The following NCOA7 variants were observed in gnomAD, a reference collection of about 807,000 sequenced individuals.
NCOA7 encodes the protein nuclear receptor coactivator 7, also known as 140 kDa estrogen receptor-associated protein.
A neutral mutation model predicts 104.3 loss-of-function variants in NCOA7; 45 were observed. The observed-to-expected ratio is 0.43, with a 90% CI of 0.34 to 0.55. NCOA7 has a LOEUF of 0.55. Among genes scored for constraint, NCOA7 ranks in the 20% least tolerant of loss-of-function variants. The pLI is 0.02. For missense variants in NCOA7, 1,041 were observed against 1,119.7 expected (o/e 0.93, Z 1.00); for synonymous variants, 398 against 402.3 (o/e 0.99, Z 0.13).
intron 10 of NCOA7, among the ~76,000 whole-genome samples, chr6:125,895,858 C>T (rs890017295): frequency 6.6e-6 from 1 of 151,956 alleles, no homozygotes; most frequent in Admixed American, 6.6e-5. Context: ...CCAAACACCT[C>T]CCACCAACCC....
intron 1 of NCOA7, among the ~76,000 whole-genome samples, chr6:125,806,982 CA>C (rs1776518781): frequency 6.6e-6 from 1 of 152,154 alleles, no homozygotes; most frequent in African/African-American, 2.4e-5. Context: ...TGCGTTTCTA[CA>C]GTAGTCATAT....
In NCOA7 at chr6:125,889,914, T is replaced by C. The variant is rs756116090; in HGVS notation, c.1860T>C (p.Gly620=). 6.3e-7 allele frequency: 1 copy of C among 1,592,438 alleles called. No homozygotes were observed. The highest frequency in any genetic ancestry group is 1.4e-5 in the African/African-American group (1 of 73,668). ...LESTLDNSCQ[G]AQMDNKSEVQ... The stretch of plus-strand genomic sequence containing the variant: ...CTACTCTGGACAACAGCTGTCAAGG[T>C]GCACAAATGGATAATAAATCTGAAG... The change falls in exon 9 of 16, where the codon GGT becomes GGC. Residue 620 remains glycine (G), a synonymous_variant. Transcript: ENST00000392477.
intron 14 of NCOA7, 152 bp downstream of exon 14, chr6:125,927,910 C>T: frequency 1.4e-6 from 1 of 726,114 alleles, no homozygotes; most frequent in Non-Finnish European, 2.3e-6. Context: ...TCGCAAACTG[C>T]TTAGCGTCCC....
chr6:125,786,944 TG>T (rs1447880009), upstream of NCOA7, among the ~76,000 whole-genome samples: 1 of 151,956 alleles, frequency 6.6e-6, no homozygotes, highest in Admixed American at 6.6e-5. Flanking sequence ...CCTAGGAGTT[TG>T]GGACCAGCCT....
intron 2 of NCOA7, among the ~76,000 whole-genome samples, chr6:125,837,088 C>A (rs1779675846): frequency 6.6e-6 from 1 of 152,148 alleles, no homozygotes; most frequent in Admixed American, 6.5e-5. Context: ...AGTTTGATTT[C>A]TCTCATTGTA....
chr6:125,825,424 T>C (rs1414674642), intron 2 of NCOA7, among the ~76,000 whole-genome samples: 1 of 152,242 alleles, frequency 6.6e-6, no homozygotes, highest in Non-Finnish European at 1.5e-5. Flanking sequence ...CAAATCACTG[T>C]CATGGATAAT....
chr6:125,822,891 C>G (rs1485135695), intron 2 of NCOA7, among the ~76,000 whole-genome samples: 2 of 150,338 alleles, frequency 1.3e-5, no homozygotes, highest in Admixed American at 6.6e-5. Flanking sequence ...CCCGAGATTG[C>G]TCTACTGCCC....
intron 1 of NCOA7, among the ~76,000 whole-genome samples, chr6:125,781,530 T>C (rs1774227602): frequency 6.6e-6 from 1 of 152,186 alleles, no homozygotes; most frequent in South Asian, 2.1e-4. Context: ...CAGAAGAAAT[T>C]TCTACACTTT....
At chr6:125,812,472 T>C (rs1456431979) in intron 1 of NCOA7, among the ~76,000 whole-genome samples, 1 of 152,202 alleles carries the variant, frequency 6.6e-6, no homozygotes, top group Non-Finnish European at 1.5e-5. Flanking sequence ...GATGTGAAGA[T>C]AAACTAGTAA....
At chr6:125,853,004 C>T (rs1432633977) in intron 2 of NCOA7, among the ~76,000 whole-genome samples, 2 of 152,064 alleles carry the variant, frequency 1.3e-5, no homozygotes, top group African/African-American at 4.8e-5. Flanking sequence ...TTGAATCTGT[C>T]GATTGCTTTG....
chr6:125,885,836 A>C (rs770554987), intron 8 of NCOA7, among the ~76,000 whole-genome samples: 5 of 152,212 alleles, frequency 3.3e-5, no homozygotes, highest in African/African-American at 2.4e-5. Context: ...CCACCTTCTC[A>C]TGCTGTGAAG....
chr6:125,790,586 G>T (rs917658127), upstream of NCOA7, among the ~76,000 whole-genome samples: 1 of 151,482 alleles, frequency 6.6e-6, no homozygotes, highest in Admixed American at 6.6e-5. Context: ...GGGGCGGGGA[G>T]GATGCCGCAA....
At chr6:125,830,731 A>ATGTGTGTGTGTG (rs1361060849) in intron 2 of NCOA7, among the ~76,000 whole-genome samples, 2 of 116,846 alleles carry the variant, frequency 1.7e-5, no homozygotes, top group East Asian at 5.9e-4. Context: ...TTATATATAT[A>ATGTGTGTGTGTG]TATATATGTG....
chr6:125,847,525 G>A (rs1583363002), intron 2 of NCOA7, among the ~76,000 whole-genome samples: 1 of 152,160 alleles, frequency 6.6e-6, no homozygotes, highest in African/African-American at 2.4e-5. Flanking sequence ...TAAGAACAGA[G>A]TCATATATAA....
At chr6:125,820,642 A>G (rs1254348486) in intron 2 of NCOA7, among the ~76,000 whole-genome samples, 4 of 152,232 alleles carry the variant, frequency 2.6e-5, no homozygotes, top group Non-Finnish European at 1.5e-5. Flanking sequence ...TACCTGATAC[A>G]GTGAGTACTC....
At chr6:125,849,657 A>G (rs1226859081) in intron 2 of NCOA7, among the ~76,000 whole-genome samples, 1 of 152,368 alleles carries the variant, frequency 6.6e-6, no homozygotes, top group Non-Finnish European at 1.5e-5. Context: ...AAGCCTGACA[A>G]AGCAGAGATT....
intron 2 of NCOA7, among the ~76,000 whole-genome samples, chr6:125,840,868 G>GTTTTTTTTTTTTGTTTGTTTTTTTTTT (rs1780077634): frequency 2.5e-5 from 1 of 40,340 alleles, no homozygotes; most frequent in African/African-American, 1.0e-4. Flanking sequence ...TGTTTGGTTG[G>GTTTTTTTTTTTTGTTTGTTTTTTTTTT]TTTTTTTTTT....
chr6:125,850,416 G>A lies in NCOA7; in HGVS notation c.51-4604G>A, dbSNP rs545418927. ...GCTATTTTCTAGCTTTTTTTCTGAAGTAACAACTGTGTTTGGCTATATGTG... is the reference window on the plus strand; with the variant it reads ...GCTATTTTCTAGCTTTTTTTCTGAAATAACAACTGTGTTTGGCTATATGTG... On this transcript the variant is annotated intron_variant, in intron 2 of 15. Transcript: ENST00000392477. Among the ~76,000 whole-genome samples, 7 of 152,214 alleles carry A rather than the reference G, an allele frequency of 4.6e-5. No individual in the cohort carries two copies. The South Asian group carries it at 1.2e-3, about 27-fold the overall frequency.
At chr6:125,783,410 T>G (rs1457848339) in intron 1 of NCOA7, among the ~76,000 whole-genome samples, 5 of 152,222 alleles carry the variant, frequency 3.3e-5, no homozygotes, top group African/African-American at 1.2e-4. Context: ...TCTGAATCAA[T>G]TATTGCTATA....
Sources: allele counts gnomAD v4.1 joint callset (sites outside exome capture counted in the v4.1 genomes callset), GRCh38; gene constraint gnomAD v4.1.1; transcripts MANE v1.5; gene names NCBI Gene and HGNC (gene_info 2026-07-23, HGNC 2026-07-21).